GLP1R: variants seen among roughly 807,000 people sequenced by gnomAD.
GLP1R encodes the protein glucagon-like peptide 1 receptor.
A neutral mutation model predicts 68.4 loss-of-function variants in GLP1R; 32 were observed. The ratio of observed to expected loss-of-function variants is 0.47; its 90% CI spans 0.35 to 0.63. The LOEUF is 0.63. Among genes scored for constraint, GLP1R ranks in the 20% least tolerant of loss-of-function variants. GLP1R has a pLI of 0.00. For synonymous variants in GLP1R, 263 were observed against 244.4 expected (o/e 1.08, Z -0.71); for missense variants, 502 against 594.9 (o/e 0.84, Z 1.62).
intron 5 of GLP1R, among the ~76,000 whole-genome samples, chr6:39,071,164 G>A (rs1768652334): frequency 6.6e-6 from 1 of 151,932 alleles, no homozygotes; most frequent in African/African-American, 2.4e-5. Context: ...GGCTAACACA[G>A]TGGAACCCCA....
chr6:39,077,381 A>G (rs1583644435), intron 7 of GLP1R, among the ~76,000 whole-genome samples: 1 of 152,284 alleles, frequency 6.6e-6, no homozygotes, highest in East Asian at 1.9e-4. Context: ...CTCATTCAAG[A>G]GGCAGTTGGC....
At chr6:39,066,478 C>T (rs1041448701) in intron 5 of GLP1R, among the ~76,000 whole-genome samples, 175 bp downstream of exon 5, 1 of 152,216 alleles carries the variant, frequency 6.6e-6, no homozygotes, top group Non-Finnish European at 1.5e-5. Context: ...GGATGTGATA[C>T]TGTGTTCTTG....
At chr6:39,050,095 A>C (rs1018534493) in intron 1 of GLP1R, among the ~76,000 whole-genome samples, 2 of 152,092 alleles carry the variant, frequency 1.3e-5, no homozygotes, top group African/African-American at 4.8e-5. Flanking sequence ...CAGCCCCCAG[A>C]TTATTTTCCA....
chr6:39,082,793 G>A (rs957792850), intron 12 of GLP1R, among the ~76,000 whole-genome samples: 23 of 152,074 alleles, frequency 1.5e-4, no homozygotes, highest in African/African-American at 3.4e-4. Flanking sequence ...TGGGGATGAG[G>A]AGCAGAGGCC....
intron 5 of GLP1R, among the ~76,000 whole-genome samples, chr6:39,070,538 C>G (rs1214457028): frequency 1.3e-5 from 2 of 152,232 alleles, no homozygotes; most frequent in Non-Finnish European, 2.9e-5. Context: ...TTAAGTTGTT[C>G]TTCACAGTGG....
intron 5 of GLP1R, among the ~76,000 whole-genome samples, chr6:39,069,592 C>T (rs941754876): frequency 3.3e-5 from 5 of 150,100 alleles, no homozygotes; most frequent in African/African-American, 9.8e-5. Context: ...GAGCAGAGAT[C>T]GTGCCACTGC....
At chr6:39,066,120 C>T in intron 4 of GLP1R, 77 bp from the exon 5 acceptor site, 1 of 843,898 alleles carries the variant, frequency 1.2e-6, no homozygotes, top group Non-Finnish European at 1.9e-6. Flanking sequence ...AGCTCTGTCT[C>T]TGTGCCATGG....
At chr6:39,073,139 C>A in intron 6 of GLP1R, 124 bp downstream of exon 6, 1 of 868,666 alleles carries the variant, frequency 1.2e-6, no homozygotes, top group Non-Finnish European at 1.8e-6. Context: ...CCTTCGGGAG[C>A]CCCCAGTCTG....
At chr6:39,067,781 C>G (rs1177993033) in intron 5 of GLP1R, among the ~76,000 whole-genome samples, 2 of 152,220 alleles carry the variant, frequency 1.3e-5, no homozygotes, top group Non-Finnish European at 2.9e-5. Flanking sequence ...AAAGTCTCAT[C>G]TAAATATTAT....
chr6:39,085,083 A>G (rs771300487), intron 12 of GLP1R, among the ~76,000 whole-genome samples: 3 of 152,076 alleles, frequency 2.0e-5, no homozygotes, highest in African/African-American at 4.8e-5. Context: ...AGGCCTCTCC[A>G]GGGACCAGAA....
intron 3 of GLP1R, among the ~76,000 whole-genome samples, 153 bp downstream of exon 3, chr6:39,057,732 G>T (rs1314696627): frequency 6.7e-6 from 1 of 148,744 alleles, no homozygotes; most frequent in Non-Finnish European, 1.5e-5. Flanking sequence ...TCCCTGACCT[G>T]GTACCTGCCC....
In GLP1R at chr6:39,079,002, G is replaced by T; in HGVS notation, c.930G>T (p.Arg310=). The T allele has an allele frequency of 1.9e-6, 3 of 1,614,060 alleles. No homozygotes were observed. Among genetic ancestry groups the T allele is most frequent in the African/African-American group, 2.7e-5 (2 of 75,038 alleles). Residue 310 remains arginine (R), a synonymous_variant, in exon 9 of 13, where the codon CGG becomes CGT. Coordinates refer to ENST00000373256, the MANE Select transcript of GLP1R (RefSeq NM_002062.5). This position sits in a 1 kb window ranked among gnomAD's most constrained non-coding sequence, Gnocchi z 4.5. ...NSNMNYWLII[R]LPILFAIGVN... is the part of the protein sequence containing the mutation. The stretch of plus-strand genomic sequence containing the variant: ...ACATGAACTACTGGCTCATTATCCG[G>T]CTGCCCATTCTCTTTGCCATTGGGG...
In GLP1R at chr6:39,089,853, T is replaced by C. The variant is rs1428174898; in HGVS notation, c.*3780T>C. Among the ~76,000 whole-genome samples the C allele has an allele frequency of 6.6e-6, 1 of 152,216 alleles. No homozygotes were observed. Among genetic ancestry groups the C allele is most frequent in the Non-Finnish European group, 1.5e-5 (1 of 68,042 alleles). On this transcript the variant is annotated 3_prime_UTR_variant, in exon 13 of 13. Coordinates refer to ENST00000373256, the MANE Select transcript of GLP1R (RefSeq NM_002062.5). The surrounding 1 kb of genome is among the most constrained non-coding windows in gnomAD (Gnocchi z 4.1). ...AGGCAAAATCTATTCCAAAGGTTTA[T>C]TTTCCCTCTGTTGAATTGATTCTAA...
chr6:39,057,677 C>G, intron 3 of GLP1R, 98 bp downstream of exon 3: 2 of 681,428 alleles, frequency 2.9e-6, no homozygotes, highest in Non-Finnish European at 5.1e-6. Context: ...GGTGAGCCCC[C>G]TCCCCGACCT....
At position 39,079,736 on chromosome 6, in the gene GLP1R, G is replaced by T; in HGVS notation, c.1182+34G>T. 1 of 1,591,176 alleles carries T rather than the reference G, an allele frequency of 6.3e-7. No homozygotes were observed. On this transcript the variant is annotated intron_variant, in intron 11 of 12. Transcript: ENST00000373256. This position sits in a 1 kb window ranked among gnomAD's most constrained non-coding sequence, Gnocchi z 4.5. ...ATGCTTGGGGACACTTGCTTGTAAA[G>T]TCCTAGAGTGGGGGTGGGACAGACA... is the stretch of plus-strand genomic sequence containing the variant.
intron 3 of GLP1R, among the ~76,000 whole-genome samples, chr6:39,061,138 G>A (rs185977160): frequency 6.6e-6 from 1 of 152,350 alleles, no homozygotes; most frequent in Non-Finnish European, 1.5e-5. Flanking sequence ...TCCTGGAGAA[G>A]CCAGCCAAGC....
At chr6:39,061,267 G>A (rs1768350893) in intron 3 of GLP1R, among the ~76,000 whole-genome samples, 1 of 152,216 alleles carries the variant, frequency 6.6e-6, no homozygotes, top group Non-Finnish European at 1.5e-5. Flanking sequence ...AAACGAGACT[G>A]GGAGGAGAAG....
At chr6:39,051,204 G>C (rs1768079815) in intron 1 of GLP1R, among the ~76,000 whole-genome samples, 1 of 152,172 alleles carries the variant, frequency 6.6e-6, no homozygotes, top group South Asian at 2.1e-4. Context: ...GTGATCTGGA[G>C]TTGGACACTT....
intron 4 of GLP1R, 80 bp downstream of exon 4, chr6:39,065,909 T>C: frequency 1.2e-6 from 1 of 820,260 alleles, no homozygotes; most frequent in South Asian, 1.5e-5. Context: ...ACCCTTGGCT[T>C]TGATGGGGGC....
Sources: allele counts gnomAD v4.1 joint callset (sites outside exome capture counted in the v4.1 genomes callset), GRCh38; gene constraint gnomAD v4.1.1; non-coding constraint Gnocchi (gnomAD v3.1); transcripts MANE v1.5; gene names NCBI Gene and HGNC (gene_info 2026-07-23, HGNC 2026-07-21).